BMERB1: variants seen among roughly 807,000 people sequenced by gnomAD.
BMERB1 encodes bMERB domain containing 1.
Under a neutral mutation model 23.6 loss-of-function variants are expected in BMERB1, and 12 were observed. The ratio of observed to expected loss-of-function variants is 0.51; its 90% confidence interval spans 0.33 to 0.82. BMERB1 has a LOEUF of 0.82. Ranked by LOEUF, BMERB1 falls within the 40% of genes least tolerant of loss-of-function variation. The probability of loss-of-function intolerance (pLI) is 0.03; values close to 1 mark genes in which losing one functional copy is unlikely to be tolerated. For synonymous variants in BMERB1, 122 were observed against 96.6 expected (o/e 1.26, Z -1.54); for missense variants, 247 against 255.4 (o/e 0.97, Z 0.22).
chr16:15,462,828 A>G (rs1344321444), intron 1 of BMERB1, among the ~76,000 whole-genome samples: 1 of 152,168 alleles, frequency 6.6e-6, no homozygotes, highest in Non-Finnish European at 1.5e-5. Context: ...GACTCAGGTT[A>G]TTGATTTGAA....
chr16:15,521,273 T>C (rs930393480), intron 2 of BMERB1, among the ~76,000 whole-genome samples: 2 of 152,202 alleles, frequency 1.3e-5, no homozygotes, highest in African/African-American at 2.4e-5. Context: ...ATAAACTGTT[T>C]ATTTCAGAGA....
intron 1 of BMERB1, among the ~76,000 whole-genome samples, chr16:15,509,253 T>G (rs2150947421): frequency 6.8e-6 from 1 of 147,672 alleles, no homozygotes; most frequent in East Asian, 2.0e-4. Context: ...CTACGCACTT[T>G]CGCAGGCACA....
intron 2 of BMERB1, among the ~76,000 whole-genome samples, chr16:15,516,694 A>C (rs766944029): frequency 2.0e-5 from 3 of 150,482 alleles, no homozygotes; most frequent in Non-Finnish European, 4.4e-5. Flanking sequence ...CACAACACCA[A>C]GAGGCTGAGT....
intron 1 of BMERB1, among the ~76,000 whole-genome samples, chr16:15,437,388 G>T (rs187346906): frequency 4.6e-5 from 7 of 152,204 alleles, no homozygotes; most frequent in Non-Finnish European, 1.0e-4. Flanking sequence ...TAAATAAGAT[G>T]ATACATATAG....
chr16:15,514,683 T>C (rs1176504284), intron 1 of BMERB1, among the ~76,000 whole-genome samples: 1 of 151,604 alleles, frequency 6.6e-6, no homozygotes, highest in Non-Finnish European at 1.5e-5. Context: ...AAGGCTGAGG[T>C]GGGAGAATCG....
At chr16:15,573,635 A>G (rs1384252145) in intron 3 of BMERB1, among the ~76,000 whole-genome samples, 1 of 152,160 alleles carries the variant, frequency 6.6e-6, no homozygotes, top group East Asian at 1.9e-4. Context: ...GGTTTTTACA[A>G]TAGTGGTGTT....
intron 2 of BMERB1, among the ~76,000 whole-genome samples, chr16:15,544,861 C>G (rs896814209): frequency 2.0e-5 from 3 of 152,206 alleles, no homozygotes; most frequent in African/African-American, 7.2e-5. Context: ...TAGGAAGACA[C>G]TCTATCAGAG....
chr16:15,457,695 G>C (rs1167044820), intron 1 of BMERB1, among the ~76,000 whole-genome samples: 1 of 152,094 alleles, frequency 6.6e-6, no homozygotes, highest in African/African-American at 2.4e-5. Context: ...CCCTCCTTCT[G>C]GAATATCTGG....
intron 1 of BMERB1, among the ~76,000 whole-genome samples, chr16:15,505,934 A>G (rs1288469858): frequency 6.6e-6 from 1 of 151,682 alleles, no homozygotes; most frequent in African/African-American, 2.4e-5. Context: ...TGAGTGGTAT[A>G]TGACAGAGTA....
chr16:15,509,330 G>GC (rs933544723), intron 1 of BMERB1, among the ~76,000 whole-genome samples: 1 of 146,914 alleles, frequency 6.8e-6, no homozygotes, highest in Non-Finnish European at 1.5e-5. Context: ...GGAGTGGAAG[G>GC]GGGGTGGGGG....
intron 1 of BMERB1, among the ~76,000 whole-genome samples, chr16:15,442,615 A>G (rs1413060151): frequency 1.3e-5 from 2 of 152,202 alleles, no homozygotes; most frequent in Non-Finnish European, 2.9e-5. Context: ...TATTAAACAC[A>G]TATTAATAAT....
chr16:15,502,257 A>G (rs950257611), intron 1 of BMERB1: 3 of 1,543,242 alleles, frequency 1.9e-6, no homozygotes, highest in Non-Finnish European at 2.6e-6. Context: ...TTGAGGTGCC[A>G]CTGGAGAATA....
chr16:15,445,015 G>A (rs1024333228), intron 1 of BMERB1, among the ~76,000 whole-genome samples: 2 of 152,068 alleles, frequency 1.3e-5, no homozygotes, highest in African/African-American at 2.4e-5. Context: ...CTAGGCCTCC[G>A]AAGTAGCTGG....
intron 2 of BMERB1, among the ~76,000 whole-genome samples, chr16:15,559,906 T>G (rs1042892816): frequency 2.6e-5 from 4 of 151,878 alleles, no homozygotes; most frequent in African/African-American, 9.7e-5. Context: ...TAAAATACAC[T>G]TATAGTAACA....
intron 1 of BMERB1, among the ~76,000 whole-genome samples, chr16:15,478,080 G>T (rs1308323996): frequency 1.3e-5 from 2 of 152,128 alleles, no homozygotes; most frequent in Non-Finnish European, 2.9e-5. Flanking sequence ...TAAGGTTTGT[G>T]TGTGTGTGTC....
intron 2 of BMERB1, among the ~76,000 whole-genome samples, chr16:15,541,417 C>A (rs899773126): frequency 6.9e-6 from 1 of 144,722 alleles, no homozygotes; most frequent in East Asian, 2.0e-4. Context: ...AGTTGCCCGC[C>A]GAATTGTTTT....
intron 1 of BMERB1, among the ~76,000 whole-genome samples, chr16:15,490,075 A>G (rs1030218488): frequency 7.9e-5 from 12 of 152,070 alleles, no homozygotes; most frequent in African/African-American, 2.4e-4. Context: ...CGTATGAGCC[A>G]GGATCCTCTC....
intron 2 of BMERB1, among the ~76,000 whole-genome samples, chr16:15,544,012 T>C (rs2052109795): frequency 6.6e-6 from 1 of 152,200 alleles, no homozygotes; most frequent in Non-Finnish European, 1.5e-5. Flanking sequence ...AGAGTACATG[T>C]ATCTGACTTT....
chr16:15,567,671 G>A (rs1194992024), intron 2 of BMERB1, among the ~76,000 whole-genome samples: 2 of 152,206 alleles, frequency 1.3e-5, no homozygotes, highest in Admixed American at 6.5e-5. Flanking sequence ...GCTGAGGCAG[G>A]AGAATCGCTT....
Sources: allele counts gnomAD v4.1 joint callset (sites outside exome capture counted in the v4.1 genomes callset), GRCh38; gene constraint gnomAD v4.1.1; transcripts MANE v1.5; gene names NCBI Gene and HGNC (gene_info 2026-07-23, HGNC 2026-07-21).